Variants in EPM2A observed in about 807,000 individuals in gnomAD.
EPM2A encodes the protein laforin.
In EPM2A, 21 loss-of-function variants were observed where a neutral mutation model predicts 26.5. That is an observed-to-expected ratio of 0.79 (90% CI 0.56 to 1.14). The LOEUF (loss-of-function observed/expected upper bound fraction) is 1.14. EPM2A is among the 50% of genes most tolerant of loss of function. The pLI is 0.00. For missense variants in EPM2A, 458 were observed against 440.8 expected (o/e 1.04, Z -0.35); for synonymous variants, 217 against 177.6 (o/e 1.22, Z -1.76).
chr6:145,605,594 T>C (rs985884616), intron 2 of EPM2A, among the ~76,000 whole-genome samples: 2 of 152,054 alleles, frequency 1.3e-5, no homozygotes, highest in Non-Finnish European at 2.9e-5. Context: ...GGCTCAGAGG[T>C]AGACCAACCT....
intron 2 of EPM2A, among the ~76,000 whole-genome samples, chr6:145,575,487 C>T (rs976404672): frequency 1.3e-5 from 2 of 152,170 alleles, no homozygotes; most frequent in South Asian, 2.1e-4. Context: ...TCACTCAGGG[C>T]AATCTTAGCA....
chr6:145,435,624 GC>G (rs1013552230), intron 4 of EPM2A, among the ~76,000 whole-genome samples: 1 of 151,396 alleles, frequency 6.6e-6, no homozygotes, highest in African/African-American at 2.4e-5. Context: ...GGGTACCTGT[GC>G]TTTTTAAATA....
At chr6:145,659,160 C>G (rs1778504047) in intron 2 of EPM2A, among the ~76,000 whole-genome samples, 1 of 151,934 alleles carries the variant, frequency 6.6e-6, no homozygotes, top group Non-Finnish European at 1.5e-5. Flanking sequence ...TATTACAATC[C>G]CCACTAACTT....
At chr6:145,579,531 T>C (rs1781083892) in intron 2 of EPM2A, among the ~76,000 whole-genome samples, 1 of 152,222 alleles carries the variant, frequency 6.6e-6, no homozygotes, top group East Asian at 1.9e-4. Context: ...ACAGGTTTCT[T>C]TGAACAATGA....
intron 4 of EPM2A, among the ~76,000 whole-genome samples, chr6:145,420,849 G>A (rs1778771893): frequency 6.6e-6 from 1 of 150,834 alleles, no homozygotes; most frequent in South Asian, 2.1e-4. Context: ...AGAGAAGAGA[G>A]ATAGAAAGAG....
rs766678675 is a variant in EPM2A at position 145,551,852 on chromosome 6, GT to G, written c.341-49278del. On this transcript the variant is annotated intron_variant, in intron 2 of 3. Transcript: ENST00000450221. Reference sequence around the variant, plus strand: ...AAGGACATGAAACATTACGTTTTATGTACTTAAACTTTTTTTTTTTTGTAAA... The same window carrying G: ...AAGGACATGAAACATTACGTTTTATGACTTAAACTTTTTTTTTTTTGTAAA... Among the ~76,000 whole-genome samples the G allele has an allele frequency of 1.7e-4, 26 of 149,336 alleles. 1 individual carries two copies. The highest frequency in any genetic ancestry group is 1.0e-4 in the Non-Finnish European group (7 of 67,570).
At chr6:145,629,411 C>T (rs1375805110) in intron 3 of EPM2A, 6 of 152,198 alleles carry the variant, frequency 3.9e-5, no homozygotes, top group Non-Finnish European at 8.8e-5. Context: ...CTCATGGTGC[C>T]CTCCTAGAGG....
At chr6:145,465,489 C>T (rs1328548499) in intron 4 of EPM2A, among the ~76,000 whole-genome samples, 1 of 151,182 alleles carries the variant, frequency 6.6e-6, no homozygotes, top group Non-Finnish European at 1.5e-5. Flanking sequence ...CATTCTCCAT[C>T]CAGCTTTGTT....
chr6:145,562,907 G>C (rs1459514936), intron 2 of EPM2A, among the ~76,000 whole-genome samples: 1 of 151,438 alleles, frequency 6.6e-6, no homozygotes, highest in African/African-American at 2.4e-5. Context: ...AGGCCTGTCT[G>C]AGGGGGTGTG....
At chr6:145,547,064 G>A (rs404229) in intron 2 of EPM2A, among the ~76,000 whole-genome samples, 72,998 of 151,924 alleles carry the variant, frequency 0.48, 17,518 homozygotes, top group South Asian at 0.61. Flanking sequence ...CCTGTAGCCT[G>A]GTTACCATGC....
At chr6:145,662,735 G>C (rs1778819359) in intron 2 of EPM2A, among the ~76,000 whole-genome samples, 1 of 152,178 alleles carries the variant, frequency 6.6e-6, no homozygotes, top group Admixed American at 6.5e-5. Context: ...TCAGATATCA[G>C]TTGAGGATAA....
At chr6:145,417,699 A>G (rs913510030) in intron 4 of EPM2A, among the ~76,000 whole-genome samples, 1 of 152,096 alleles carries the variant, frequency 6.6e-6, no homozygotes, top group African/African-American at 2.4e-5. Context: ...CTGAATATAG[A>G]CTTTTCTAGT....
chr6:145,655,186 GAAAA>G (rs5880651), intron 2 of EPM2A, among the ~76,000 whole-genome samples: 1 of 140,756 alleles, frequency 7.1e-6, no homozygotes. Flanking sequence ...ATTTTGCTGT[GAAAA>G]AAAAAAAAAA....
intron 1 of EPM2A, among the ~76,000 whole-genome samples, chr6:145,690,300 G>A (rs1192728755): frequency 6.6e-6 from 1 of 151,920 alleles, no homozygotes; most frequent in Non-Finnish European, 1.5e-5. Flanking sequence ...CATGAGGTCA[G>A]GAGATCGAGA....
At chr6:145,705,615 A>G (rs1247701887) in intron 1 of EPM2A, 2 of 454,812 alleles carry the variant, frequency 4.4e-6, no homozygotes, top group Non-Finnish European at 8.8e-6. Flanking sequence ...AGAGTTCATT[A>G]TAGATTGGCT....
intron 2 of EPM2A, among the ~76,000 whole-genome samples, chr6:145,547,065 G>A (rs979234362): frequency 3.3e-5 from 5 of 152,078 alleles, no homozygotes; most frequent in African/African-American, 1.2e-4. Context: ...CTGTAGCCTG[G>A]TTACCATGCT....
At chr6:145,410,427 G>A (rs149519531) in intron 4 of EPM2A, among the ~76,000 whole-genome samples, 43 of 152,240 alleles carry the variant, frequency 2.8e-4, no homozygotes, top group Admixed American at 2.0e-3. Context: ...TTAATCCTTC[G>A]AGGCAATAGA....
At chr6:145,673,283 A>G (rs1366958236) in intron 2 of EPM2A, among the ~76,000 whole-genome samples, 1 of 152,232 alleles carries the variant, frequency 6.6e-6, no homozygotes, top group African/African-American at 2.4e-5. Context: ...GATAAACTTA[A>G]GAAAAATATC....
intron 2 of EPM2A, among the ~76,000 whole-genome samples, chr6:145,683,243 T>G (rs1780666412): frequency 6.9e-6 from 1 of 144,968 alleles, no homozygotes; most frequent in African/African-American, 2.6e-5. Flanking sequence ...ATGGAGATGT[T>G]GAAAAATAAA....
Sources: gnomAD v4.1 joint callset for allele counts (sites outside exome capture counted in the v4.1 genomes callset) on GRCh38, gnomAD v4.1.1 for gene constraint, MANE v1.5 for transcripts, NCBI Gene and HGNC (gene_info 2026-07-23, HGNC 2026-07-21) for gene names.